Variants in HYAL3 observed in about 807,000 individuals in gnomAD.
The protein encoded by HYAL3 is hyaluronidase 3, also known as hyaluronidase-3.
HYAL3 carries 25 observed loss-of-function variants against 29.6 expected under a neutral mutation model. That is an observed-to-expected ratio of 0.85 (90% confidence interval 0.62 to 1.18). The LOEUF is 1.18. HYAL3 is among the 50% of genes most tolerant of loss of function. The pLI is 0.00. For missense variants in HYAL3, 442 were observed against 548.4 expected (o/e 0.81, Z 1.94); for synonymous variants, 215 against 218.3 (o/e 0.99, Z 0.13).
Position 50,294,852 on chromosome 3 carries a change from G to T in HYAL3, c.751C>A (p.Leu251Met). 1 of 1,540,468 alleles carries T rather than the reference G, an allele frequency of 6.5e-7. No homozygotes were observed. Among genetic ancestry groups the T allele is most frequent in the East Asian group, 2.3e-5 (1 of 44,066 alleles). Residue 251 changes from leucine to methionine, a missense_variant, in exon 2 of 4, where the codon CTG becomes ATG. Transcript: ENST00000336307. ...AAGGCCTGGTGGTGGGCAGGTGGCA[G>T]CCTGGGTGGGAGGTAGATGCTGGGG... ...LFPSIYLPPR[L>M]PPAHHQAFVR...
At position 50,297,718 on chromosome 3, in the gene HYAL3, G is replaced by A; in HGVS notation, c.-18+1495C>T. The A allele has an allele frequency of 1.5e-6, 2 of 1,363,314 alleles. No homozygotes were observed. Among genetic ancestry groups the A allele is most frequent in the South Asian group, 1.9e-5 (1 of 53,430 alleles). 84.5% of individuals were successfully genotyped at this position (1,363,314 alleles called of 1,614,324 possible). ...GGGCTGTGCCAGGAGGGAGGGTGGG[G>A]TTGGAGCAGGGAAGGGCTGACAGAG... On this transcript the variant is annotated intron_variant, in intron 1 of 3. Coordinates refer to ENST00000336307, the MANE Select transcript of HYAL3 (RefSeq NM_003549.4). This position sits in a 1 kb window ranked among gnomAD's most constrained non-coding sequence, Gnocchi z 4.3.
Position 50,297,406 on chromosome 3 carries a change from G to C in HYAL3, c.-17-1787C>G. ...CATGTGGAATCCAGGGGCAGCTTTGGCTGGCACGCAGGATCCAGAGTCAGC... is the reference window on the plus strand; with the variant it reads ...CATGTGGAATCCAGGGGCAGCTTTGCCTGGCACGCAGGATCCAGAGTCAGC... On this transcript the variant is annotated intron_variant, in intron 1 of 3. Coordinates refer to ENST00000336307, the MANE Select transcript of HYAL3 (RefSeq NM_003549.4). This position sits in a 1 kb window ranked among gnomAD's most constrained non-coding sequence, Gnocchi z 4.3. The C allele has an allele frequency of 6.2e-7, 1 of 1,613,428 alleles. No homozygotes were observed. Among genetic ancestry groups the C allele is most frequent in the Non-Finnish European group, 8.5e-7 (1 of 1,179,698 alleles).
Position 50,297,673 on chromosome 3 carries a change from C to T in HYAL3, c.-18+1540G>A, listed in dbSNP as rs1290050099. 5.0e-6 allele frequency: 7 copies of T among 1,393,952 alleles called. No homozygotes were observed. Among genetic ancestry groups the T allele is most frequent in the Non-Finnish European group, 5.6e-6 (6 of 1,079,188 alleles). 86.3% of individuals were successfully genotyped at this position (1,393,952 alleles called of 1,614,324 possible). A position where few individuals can be genotyped will look rare whatever the true frequency, so the allele number is the denominator to read the frequency against. On this transcript the variant is annotated intron_variant, in intron 1 of 3. Transcript: ENST00000336307. The surrounding 1 kb of genome is among the most constrained non-coding windows in gnomAD (Gnocchi z 4.3). ...TCTTCAGACCACAGTGGCTCTCCTCCTGTAGATAACAGCCATGCTGGGCTG... is the reference window on the plus strand; with the variant it reads ...TCTTCAGACCACAGTGGCTCTCCTCTTGTAGATAACAGCCATGCTGGGCTG...
Position 50,299,343 on chromosome 3 carries a change from G to A in HYAL3, c.-148C>T. 6.4e-7 allele frequency: 1 copy of A among 1,572,228 alleles called. No homozygotes were observed. The highest frequency in any genetic ancestry group is 8.6e-7 in the Non-Finnish European group (1 of 1,161,508). On this transcript the variant is annotated 5_prime_UTR_variant, in exon 1 of 4. The change creates a new upstream start codon in the 5' untranslated region. Coordinates refer to ENST00000336307, the MANE Select transcript of HYAL3 (RefSeq NM_003549.4). ...GCGGTGCGGCGGATGTTCTGCAGCC[G>A]TCGCGTCCTGCGGCACGCCACGGCG...
chr3:50,297,900 T>C lies in HYAL3; in HGVS notation c.-18+1313A>G. 4.0e-6 allele frequency: 4 copies of C among 1,002,424 alleles called. No homozygotes were observed. The highest frequency in any genetic ancestry group is 4.8e-6 in the Non-Finnish European group (4 of 841,936). The allele number at this position is 1,002,424 out of a possible 1,614,324, so 62.1% of individuals were successfully genotyped here. On this transcript the variant is annotated intron_variant, in intron 1 of 3. Coordinates refer to ENST00000336307, the MANE Select transcript of HYAL3 (RefSeq NM_003549.4). This position sits in a 1 kb window ranked among gnomAD's most constrained non-coding sequence, Gnocchi z 4.3. ...CCCCACATTGGAGGGAGGCTGGGAGTGATGGATGAGCTGCTTAAGGCTGGG... is the reference window on the plus strand; with the variant it reads ...CCCCACATTGGAGGGAGGCTGGGAGCGATGGATGAGCTGCTTAAGGCTGGG...
chr3:50,298,122 C>A (rs1575505052), intron 1 of HYAL3: 1 of 983,810 alleles, frequency 1.0e-6, no homozygotes, highest in Non-Finnish European at 1.2e-6. Flanking sequence ...AGACACTATA[C>A]CCCCTGCTCA....
chr3:50,294,436 TAGGGCCCCTTTGTATCG>T (rs781911911), intron 2 of HYAL3, among the ~76,000 whole-genome samples: 15 of 152,276 alleles, frequency 9.9e-5, no homozygotes, highest in Non-Finnish European at 2.1e-4. Flanking sequence ...CCAGCCCAAG[TAGGGCCCCTTTGTATCG>T]AGTCTCTGAG....
Position 50,295,110 on chromosome 3 carries a change from G to A in HYAL3, c.493C>T (p.Gln165Ter). 1.2e-6 allele frequency: 2 copies of A among 1,613,622 alleles called. No individual in the cohort carries two copies. Among genetic ancestry groups the A allele is most frequent in the South Asian group, 1.1e-5 (1 of 91,090 alleles). ...AAGCCAGTATAGGCCTTGTAGAGCT[G>A]CTCCTGAGGGTCCAGGTCAGGGAAT... ...QVFPDLDPQE[Q>*]LYKAYTGFEQ... The change falls in exon 2 of 4, where the codon CAG becomes TAG. Residue 165 changes from glutamine (Q) to a stop codon, truncating the protein, a stop_gained. Transcript: ENST00000336307. LOFTEE classifies it high-confidence loss of function.
rs34484133 is a variant in HYAL3, at chr3:50,297,050, C to T, written c.-17-1431G>A. ...GGGCCCGGGCCACCACCACTGTCTC[C>T]ACTAAGAGGCTCTGGGGCTGGTTCA... On this transcript the variant is annotated intron_variant, in intron 1 of 3. Transcript: ENST00000336307. The surrounding 1 kb of genome is among the most constrained non-coding windows in gnomAD (Gnocchi z 4.3). 19,263 of 1,535,848 alleles carry T rather than the reference C, an allele frequency of 0.013. 151 individuals are homozygous for T. Among genetic ancestry groups the T allele is most frequent in the Non-Finnish European group, 0.014 (16,430 of 1,144,020 alleles).
In HYAL3 at chr3:50,295,451, G is replaced by A. The variant is rs369737606; in HGVS notation, c.152C>T (p.Pro51Leu). The A allele has an allele frequency of 1.5e-5, 24 of 1,614,044 alleles. No individual in the cohort carries two copies. The African/African-American group carries it at 2.7e-4, about 18-fold the overall frequency. The stretch of plus-strand genomic sequence containing the variant: ...GGCTATGATGCCCAGAGCATTGAGT[G>A]GCAGGTGCACACCAAAGCGGGCCTC... ...HCEARFGVHL[P>L]LNALGIIANR... The change falls in exon 2 of 4, where the codon CCA (proline) becomes CTA (leucine). Residue 51 changes from proline to leucine, a missense_variant. Coordinates refer to ENST00000336307, the MANE Select transcript of HYAL3 (RefSeq NM_003549.4).
Position 50,297,666 on chromosome 3 carries a change from TCTC to T in HYAL3, c.-18+1544_-18+1546del. ...TAGCATCTCTTCAGACCACAGTGGC[TCTC>T]CTCCTGTAGATAACAGCCATGCTGG... On this transcript the variant is annotated intron_variant, in intron 1 of 3. Transcript: ENST00000336307. The surrounding 1 kb of genome is among the most constrained non-coding windows in gnomAD (Gnocchi z 4.3). 1 of 1,397,302 alleles carries T rather than the reference TCTC, an allele frequency of 7.2e-7. No individual in the cohort carries two copies. Among genetic ancestry groups the T allele is most frequent in the Non-Finnish European group, 9.3e-7 (1 of 1,080,762 alleles). The allele number at this position is 1,397,302 out of a possible 1,614,324, so 86.6% of individuals were successfully genotyped here. A position where few individuals can be genotyped will look rare whatever the true frequency, so the allele number is the denominator to read the frequency against.
rs781958143 is a variant in HYAL3, at chr3:50,294,723, T to C, written c.880A>G (p.Arg294Gly). 1.3e-4 allele frequency: 199 copies of C among 1,504,478 alleles called. No homozygotes were observed. Among genetic ancestry groups the C allele is most frequent in the Non-Finnish European group, 1.7e-4 (196 of 1,125,910 alleles). 93.2% of individuals were successfully genotyped at this position (1,504,478 alleles called of 1,614,324 possible). Reference sequence around the variant, plus strand: ...CTTCCACTTACCTGGGACAGGAACCTCCCAGATCTCCGGTGTGTGAGGCGG... The same window carrying C: ...CTTCCACTTACCTGGGACAGGAACCCCCCAGATCTCCGGTGTGTGAGGCGG... ...YVRLTHRRSG[R>G]FLSQDDLVQS... is the part of the protein sequence containing the mutation. The change falls in exon 2 of 4, where the codon AGG becomes GGG. Residue 294 changes from arginine (R) to glycine (G), a missense_variant. Physicochemically the swap from Arg to Gly is moderately radical, Grantham distance 125. Coordinates refer to ENST00000336307, the MANE Select transcript of HYAL3 (RefSeq NM_003549.4).
Position 50,294,904 on chromosome 3 carries a change from C to T in HYAL3, c.699G>A (p.Trp233Ter). The T allele has an allele frequency of 6.3e-7, 1 of 1,583,824 alleles. No individual in the cohort carries two copies. Among genetic ancestry groups the T allele is most frequent in the South Asian group, 1.1e-5 (1 of 88,232 alleles). Residue 233 changes from tryptophan (W) to a stop codon, truncating the protein, a stop_gained, in exon 2 of 4, where the codon TGG becomes TGA. Coordinates refer to ENST00000336307, the MANE Select transcript of HYAL3 (RefSeq NM_003549.4). LOFTEE classifies it high-confidence loss of function. Reference sequence around the variant, plus strand: ...AGAGGGCACTGGAGGCGGCCCAGAGCCAATGCAGTTGAGTGTTGCGGGCAA... The same window carrying T: ...AGAGGGCACTGGAGGCGGCCCAGAGTCAATGCAGTTGAGTGTTGCGGGCAA... The part of the protein sequence containing the change: ...ATLARNTQLH[W>*]LWAASSALFP...
chr3:50,295,521 C>A lies in HYAL3; in HGVS notation c.82G>T (p.Glu28Ter). ...TTCCACAGCACAGAGAAGGGGCGTT[C>A]AGGGACCTGTGGTAGGGGCTGGCCA... is the stretch of plus-strand genomic sequence containing the variant. ...GCGQPLPQVP[E>*]RPFSVLWNVP... is the part of the protein sequence containing the mutation. Residue 28 changes from glutamate (E) to a stop codon, truncating the protein, a stop_gained, in exon 2 of 4, where the codon GAA becomes TAA. Transcript: ENST00000336307. LOFTEE classifies it high-confidence loss of function. 1 of 1,598,144 alleles carries A rather than the reference C, an allele frequency of 6.3e-7. No individual in the cohort carries two copies. The highest frequency in any genetic ancestry group is 8.5e-7 in the Non-Finnish European group (1 of 1,171,758).
At chr3:50,296,312 G>A (rs1326553951) in intron 1 of HYAL3, 15 of 443,990 alleles carry the variant, frequency 3.4e-5, no homozygotes, top group Non-Finnish European at 5.2e-5. Flanking sequence ...CAGGGCCAAG[G>A]TGGATCTGGA....
chr3:50,297,845 T>C lies in HYAL3; in HGVS notation c.-18+1368A>G, dbSNP rs868976391. 7.4e-5 allele frequency: 79 copies of C among 1,070,474 alleles called. No individual in the cohort carries two copies. The Middle Eastern group carries it at 3.0e-3, about 40-fold the overall frequency. The allele number at this position is 1,070,474 out of a possible 1,614,324, so 66.3% of individuals were successfully genotyped here. ...TGACCTGGAAGAGACCCATCCCCTA[T>C]AGAGCAGGGCAGATAGATCCAGGTG... On this transcript the variant is annotated intron_variant, in intron 1 of 3. Coordinates refer to ENST00000336307, the MANE Select transcript of HYAL3 (RefSeq NM_003549.4). This position sits in a 1 kb window ranked among gnomAD's most constrained non-coding sequence, Gnocchi z 4.3.
At position 50,295,254 on chromosome 3, in the gene HYAL3, T is replaced by C; in HGVS notation, c.349A>G (p.Arg117Gly). The change falls in exon 2 of 4, where the codon AGA (arginine) becomes GGA (glycine). Residue 117 changes from arginine (R) to glycine (G), a missense_variant. Transcript: ENST00000336307. Reference protein sequence around the residue: ...LAAYQIHHSLRPGFAGPAVLD... With the variant: ...LAAYQIHHSLGPGFAGPAVLD... ...ACTGCTGGGCCAGCAAAGCCAGGTC[T>C]CAGGCTGTGGTGGATCTGGTAGGCA... 6.2e-7 allele frequency: 1 copy of C among 1,613,964 alleles called. No homozygotes were observed. Among genetic ancestry groups the C allele is most frequent in the Non-Finnish European group, 8.5e-7 (1 of 1,180,016 alleles).
At position 50,295,349 on chromosome 3, in the gene HYAL3, C is replaced by T. The variant is rs1701802741; in HGVS notation, c.254G>A (p.Gly85Glu). The T allele has an allele frequency of 1.2e-6, 2 of 1,614,060 alleles. No individual in the cohort carries two copies. The highest frequency in any genetic ancestry group is 1.7e-5 in the Admixed American group (1 of 60,010). ...KNQLGLYPYF[G>E]PRGTAHNGGI... Reference sequence around the variant, plus strand: ...CCCATTGTGAGCTGTGCCCCTGGGTCCAAAGTAGGGATAGAGGCCGAGTTG... The same window carrying T: ...CCCATTGTGAGCTGTGCCCCTGGGTTCAAAGTAGGGATAGAGGCCGAGTTG... Residue 85 changes from glycine (G) to glutamate (E), a missense_variant, in exon 2 of 4, where the codon GGA becomes GAA. Gly to Glu is a moderately conservative substitution (Grantham distance 98). Transcript: ENST00000336307.
Position 50,297,434 on chromosome 3 carries a change from A to T in HYAL3, c.-18+1779T>A, listed in dbSNP as rs782299613. 3.7e-6 allele frequency: 6 copies of T among 1,611,752 alleles called. No homozygotes were observed. The African/African-American group carries it at 8.0e-5, about 22-fold the overall frequency. On this transcript the variant is annotated intron_variant, in intron 1 of 3. Transcript: ENST00000336307. This position sits in a 1 kb window ranked among gnomAD's most constrained non-coding sequence, Gnocchi z 4.3. ...GGCACGCAGGATCCAGAGTCAGCTC[A>T]GCTGGGCTGGTACTCAGGATCAGCT...
Sources: gnomAD v4.1 joint callset for allele counts (sites outside exome capture counted in the v4.1 genomes callset) on GRCh38, gnomAD v4.1.1 for gene constraint, Gnocchi (gnomAD v3.1) non-coding constraint, MANE v1.5 for transcripts, NCBI Gene and HGNC (gene_info 2026-07-23, HGNC 2026-07-21) for gene names.